RBMS3: variants seen among roughly 807,000 people sequenced by gnomAD.
The protein encoded by RBMS3 is RNA binding motif single stranded interacting protein 3.
Under a neutral mutation model 66.8 loss-of-function variants are expected in RBMS3, and 27 were observed. The observed-to-expected ratio is 0.40, with a 90% confidence interval of 0.30 to 0.56. The LOEUF is 0.56. Ranked by LOEUF, RBMS3 falls within the 20% of genes least tolerant of loss-of-function variation. RBMS3 has a pLI of 0.40. For missense variants in RBMS3, 513 were observed against 549.5 expected (o/e 0.93, Z 0.66); for synonymous variants, 188 against 183.0 (o/e 1.03, Z -0.22).
chr3:29,441,478 C>A (rs904647525), intron 2 of RBMS3, among the ~76,000 whole-genome samples: 1 of 152,054 alleles, frequency 6.6e-6, no homozygotes, highest in Non-Finnish European at 1.5e-5. Flanking sequence ...GGGAATAATA[C>A]TTTCTTTAAA....
Position 29,569,790 on chromosome 3 carries a change from T to C in RBMS3, c.308-17324T>C, listed in dbSNP as rs1007587098. 9.2e-5 allele frequency among the ~76,000 whole-genome samples: 14 copies of C among 152,322 alleles called. 1 individual carries two copies. Among genetic ancestry groups the C allele is most frequent in the Middle Eastern group, 6.8e-3 (2 of 294 alleles). On this transcript the variant is annotated intron_variant, in intron 3 of 14. Coordinates refer to ENST00000383767, the MANE Select transcript of RBMS3 (RefSeq NM_001003793.3). Reference sequence around the variant, plus strand: ...GGAGGCTTTGAAAGCATTGCCTATTTCCATTTCATTAATTTTAAAAATCTT... The same window carrying C: ...GGAGGCTTTGAAAGCATTGCCTATTCCCATTTCATTAATTTTAAAAATCTT...
chr3:29,963,137 C>T (rs1268299583), intron 12 of RBMS3, among the ~76,000 whole-genome samples: 2 of 151,832 alleles, frequency 1.3e-5, no homozygotes, highest in Non-Finnish European at 2.9e-5. Context: ...AAAATTATAA[C>T]TTAAATTTGA....
At chr3:29,697,140 A>G in intron 4 of RBMS3, 1 of 978,050 alleles carries the variant, frequency 1.0e-6, no homozygotes, top group Non-Finnish European at 1.2e-6. Flanking sequence ...TATTTCTTAT[A>G]CAGTAATATG....
At chr3:29,854,036 T>C (rs2059010868) in intron 6 of RBMS3, among the ~76,000 whole-genome samples, 1 of 152,170 alleles carries the variant, frequency 6.6e-6, no homozygotes, top group Admixed American at 6.5e-5. Context: ...GTTTGTTTTT[T>C]GAAAGTGTCA....
intron 2 of RBMS3, among the ~76,000 whole-genome samples, chr3:29,437,564 GT>G (rs1383425622): frequency 1.3e-5 from 2 of 152,142 alleles, no homozygotes; most frequent in East Asian, 3.9e-4. Flanking sequence ...GTGTTTGTGG[GT>G]TCTCCTGTTA....
chr3:29,673,247 A>C (rs2051084050), intron 4 of RBMS3, among the ~76,000 whole-genome samples: 1 of 152,230 alleles, frequency 6.6e-6, no homozygotes, highest in Non-Finnish European at 1.5e-5. Flanking sequence ...CATTTGAAGC[A>C]GTGTGTAGAG....
At chr3:29,842,260 C>T (rs952391605) in intron 6 of RBMS3, among the ~76,000 whole-genome samples, 1 of 152,026 alleles carries the variant, frequency 6.6e-6, no homozygotes, top group East Asian at 1.9e-4. Flanking sequence ...TTTCTTGCAT[C>T]TTGGATAAAC....
At chr3:29,320,730 T>C (rs922359872) in intron 1 of RBMS3, among the ~76,000 whole-genome samples, 16 of 152,104 alleles carry the variant, frequency 1.1e-4, no homozygotes, top group African/African-American at 3.9e-4. Flanking sequence ...GCTATTATTT[T>C]TAGTTATTAA....
intron 1 of RBMS3, among the ~76,000 whole-genome samples, chr3:29,398,720 A>T (rs1197049220): frequency 2.0e-5 from 3 of 152,142 alleles, no homozygotes; most frequent in Non-Finnish European, 4.4e-5. Flanking sequence ...TGCTTACAAG[A>T]TCCTTGTCAT....
chr3:29,619,853 G>A (rs1309585172), intron 4 of RBMS3, among the ~76,000 whole-genome samples: 1 of 151,788 alleles, frequency 6.6e-6, no homozygotes, highest in Non-Finnish European at 1.5e-5. Flanking sequence ...GTCGAGTCTG[G>A]CACGTTCTAA....
At chr3:29,323,726 A>ACACACACACC (rs71091051) in intron 1 of RBMS3, among the ~76,000 whole-genome samples, 60 of 140,702 alleles carry the variant, frequency 4.3e-4, no homozygotes, top group African/African-American at 1.5e-3. Flanking sequence ...ACACACACAC[A>ACACACACACC]CCCCTTGGAC....
At chr3:29,337,805 C>A (rs1402513362) in intron 1 of RBMS3, among the ~76,000 whole-genome samples, 2 of 152,150 alleles carry the variant, frequency 1.3e-5, no homozygotes, top group Non-Finnish European at 2.9e-5. Flanking sequence ...CTACTTGTCT[C>A]TACAAACACT....
At chr3:29,652,969 A>G (rs1206887825) in intron 4 of RBMS3, among the ~76,000 whole-genome samples, 1 of 152,204 alleles carries the variant, frequency 6.6e-6, no homozygotes, top group Non-Finnish European at 1.5e-5. Context: ...AGCAGATTTT[A>G]TATCAATGGT....
At chr3:29,585,069 A>T (rs1473989513) in intron 3 of RBMS3, among the ~76,000 whole-genome samples, 4 of 152,120 alleles carry the variant, frequency 2.6e-5, no homozygotes, top group African/African-American at 7.2e-5. Context: ...CAACTCAACT[A>T]TTAGTTGCAT....
chr3:29,765,484 C>T (rs2055884567), intron 6 of RBMS3, among the ~76,000 whole-genome samples: 1 of 151,672 alleles, frequency 6.6e-6, no homozygotes, highest in African/African-American at 2.4e-5. Context: ...TTGGTGTGAC[C>T]CACTGAAAAC....
chr3:29,421,838 G>A (rs755351865), intron 1 of RBMS3, among the ~76,000 whole-genome samples: 10 of 152,070 alleles, frequency 6.6e-5, no homozygotes, highest in Non-Finnish European at 1.3e-4. Context: ...AAGCATCAAT[G>A]GACTTTTTAC....
At chr3:29,608,691 T>C (rs1242791974) in intron 4 of RBMS3, among the ~76,000 whole-genome samples, 1 of 151,926 alleles carries the variant, frequency 6.6e-6, no homozygotes, top group Non-Finnish European at 1.5e-5. Flanking sequence ...AAGGTAAAAA[T>C]GAGGAGCTAG....
At chr3:29,644,774 TCATGGCTGA>T (rs2049855718) in intron 4 of RBMS3, among the ~76,000 whole-genome samples, 1 of 152,186 alleles carries the variant, frequency 6.6e-6, no homozygotes, top group African/African-American at 2.4e-5. Context: ...GAAGAGTAGT[TCATGGCTGA>T]CATTTTTATC....
chr3:29,652,191 G>A (rs1189538137), intron 4 of RBMS3, among the ~76,000 whole-genome samples: 2 of 152,082 alleles, frequency 1.3e-5, no homozygotes, highest in Non-Finnish European at 2.9e-5. Flanking sequence ...CCTGTGAAAT[G>A]TACAGAGATT....
Sources: gnomAD v4.1 joint callset for allele counts (sites outside exome capture counted in the v4.1 genomes callset) on GRCh38, gnomAD v4.1.1 for gene constraint, MANE v1.5 for transcripts, NCBI Gene and HGNC (gene_info 2026-07-23, HGNC 2026-07-21) for gene names.